The following PCDH15 variants were observed in gnomAD, a reference collection of about 807,000 sequenced individuals.
The protein encoded by PCDH15 is protocadherin-15.
A neutral mutation model predicts 178.5 loss-of-function variants in PCDH15; 129 were observed. That is an observed-to-expected ratio of 0.72 (90% CI 0.63 to 0.84). PCDH15 has a LOEUF of 0.84. Among genes scored for constraint, PCDH15 ranks in the 40% least tolerant of loss-of-function variants. PCDH15 has a pLI of 0.00. For synonymous variants in PCDH15, 800 were observed against 732.0 expected, an observed-to-expected ratio of 1.09 and a Z score of -1.50; for missense variants, 2,230 against 2,099.9, an observed-to-expected ratio of 1.06 and a Z score of -1.21.
At chr10:55,408,654 A>G (rs1838262922) in intron 2 of PCDH15, among the ~76,000 whole-genome samples, 1 of 152,146 alleles carries the variant, frequency 6.6e-6, no homozygotes, top group South Asian at 2.1e-4. Flanking sequence ...ATGGTATACA[A>G]TATGTACATA....
At chr10:53,996,279 T>G (rs536394118) in intron 20 of PCDH15, among the ~76,000 whole-genome samples, 1 of 152,276 alleles carries the variant, frequency 6.6e-6, no homozygotes, top group South Asian at 2.1e-4. Context: ...AAAAGGAGAT[T>G]TTCTCTGCAG....
Position 54,022,882 on chromosome 10 carries a change from T to TC in PCDH15, c.2526+9dup. 1.2e-6 allele frequency: 2 copies of TC among 1,613,668 alleles called. No individual in the cohort carries two copies. Among genetic ancestry groups the TC allele is most frequent in the Non-Finnish European group, 8.5e-7 (1 of 1,179,626 alleles). On this transcript the variant is annotated intron_variant, in intron 19 of 37. Coordinates refer to ENST00000644397, the MANE Select transcript of PCDH15 (RefSeq NM_001384140.1). ...TAGGATTCATGTAATAAATGCTTTT[T>TC]CCCACACACCTCTATTTGAAGGATG...
chr10:55,497,462 C>T lies in PCDH15; in HGVS notation c.-156+130163G>A, dbSNP rs535018123. On this transcript the variant is annotated intron_variant, in intron 2 of 5. Coordinates refer to the PCDH15 transcript ENST00000613346. Reference sequence around the variant, plus strand: ...GGTACTTTTTAAAAACCTTTGATTTCGAGTTGGCTTGGCTTACTTTTCTGT... The same window carrying T: ...GGTACTTTTTAAAAACCTTTGATTTTGAGTTGGCTTGGCTTACTTTTCTGT... Among the ~76,000 whole-genome samples the T allele has an allele frequency of 9.2e-4, 140 of 151,768 alleles. 2 individuals carry two copies. The highest frequency in any genetic ancestry group is 2.4e-3 in the Admixed American group (36 of 15,208).
chr10:54,259,387 G>A (rs2057151831), intron 8 of PCDH15, among the ~76,000 whole-genome samples: 1 of 152,146 alleles, frequency 6.6e-6, no homozygotes, highest in South Asian at 2.1e-4. Flanking sequence ...TGTGGTGGCA[G>A]TATAAAACAG....
chr10:55,352,189 T>C (rs1372280487), intron 2 of PCDH15, among the ~76,000 whole-genome samples: 1 of 152,218 alleles, frequency 6.6e-6, no homozygotes, highest in Non-Finnish European at 1.5e-5. Context: ...AATGTGGTTA[T>C]ATTATACATC....
chr10:53,942,645 C>T (rs568693103), intron 23 of PCDH15, among the ~76,000 whole-genome samples: 2 of 152,288 alleles, frequency 1.3e-5, no homozygotes, highest in South Asian at 2.1e-4. Flanking sequence ...AGCAAGGAAT[C>T]GAGGCCCTTA....
At chr10:54,753,594 T>C (rs931467868) in intron 1 of PCDH15, among the ~76,000 whole-genome samples, 1 of 152,230 alleles carries the variant, frequency 6.6e-6, no homozygotes, top group African/African-American at 2.4e-5. Flanking sequence ...CTTCCATTTT[T>C]TAACCACAGT....
At position 54,889,558 on chromosome 10, in the gene PCDH15, T is replaced by G. The variant is rs72798535; in HGVS notation, c.-29+7892A>C. 1.9e-3 allele frequency among the ~76,000 whole-genome samples: 278 copies of G among 149,376 alleles called. 1 individual carries two copies. The highest frequency in any genetic ancestry group is 3.5e-3 in the Non-Finnish European group (237 of 66,982). On this transcript the variant is annotated intron_variant, in intron 3 of 5. Transcript: ENST00000458638. The stretch of plus-strand genomic sequence containing the variant: ...AAATTAGGATAGTACAGAGGCTCTT[T>G]AATTCTCTCTGCATATGAAAAAGAA...
chr10:54,947,094 T>A (rs2131870063), intron 2 of PCDH15, among the ~76,000 whole-genome samples: 1 of 151,972 alleles, frequency 6.6e-6, no homozygotes, highest in African/African-American at 2.4e-5. Context: ...GTTAATTAAT[T>A]GCAAAATTGA....
chr10:55,310,763 C>G (rs1021215209), intron 1 of PCDH15, among the ~76,000 whole-genome samples: 2 of 152,138 alleles, frequency 1.3e-5, no homozygotes, highest in Admixed American at 1.3e-4. Flanking sequence ...CCACAGCAAA[C>G]TAACACAGGT....
intron 2 of PCDH15, among the ~76,000 whole-genome samples, chr10:55,126,228 C>T (rs916320980): frequency 3.9e-5 from 6 of 152,068 alleles, no homozygotes; most frequent in African/African-American, 7.2e-5. Context: ...GTTATCCCAC[C>T]CTTTCCTAAG....
intron 18 of PCDH15, among the ~76,000 whole-genome samples, chr10:54,044,776 T>C (rs1445607006): frequency 6.6e-6 from 1 of 152,134 alleles, no homozygotes; most frequent in Non-Finnish European, 1.5e-5. Flanking sequence ...TCTAAAAACA[T>C]CAAAATCAGG....
intron 32 of PCDH15, among the ~76,000 whole-genome samples, chr10:53,827,095 G>T (rs564078499): frequency 9.9e-5 from 15 of 151,624 alleles, no homozygotes; most frequent in African/African-American, 3.6e-4. Context: ...ATGTAAAAAT[G>T]CATGACCCTG....
intron 8 of PCDH15, among the ~76,000 whole-genome samples, chr10:54,262,954 C>CTGGGCTGAAAATCACGGGCTGCA (rs1294985005): frequency 0.033 from 5,025 of 151,976 alleles, 209 homozygotes; most frequent in African/African-American, 0.096. Flanking sequence ...CCATGGTTGC[C>CTGGGCTGAAAATCACGGGCTGCA]AGCTGGGCTG....
At chr10:54,284,666 C>T (rs1317125339) in intron 8 of PCDH15, among the ~76,000 whole-genome samples, 3 of 152,136 alleles carry the variant, frequency 2.0e-5, no homozygotes, top group East Asian at 1.9e-4. Flanking sequence ...GCTTTTCTGT[C>T]CTTACAGAGC....
chr10:54,691,214 G>A lies in PCDH15; in HGVS notation c.-28-26924C>T, dbSNP rs538583602. 2.0e-5 allele frequency among the ~76,000 whole-genome samples: 3 copies of A among 152,100 alleles called. No homozygotes were observed. The South Asian group carries it at 6.2e-4, about 32-fold the overall frequency. On this transcript the variant is annotated intron_variant, in intron 1 of 37. Transcript: ENST00000644397. Reference sequence around the variant, plus strand: ...CTCTGTATTTCCTACTTTTATGTTTGTTTATATTTAGGAGCAGCCTACACA... The same window carrying A: ...CTCTGTATTTCCTACTTTTATGTTTATTTATATTTAGGAGCAGCCTACACA...
At chr10:55,101,314 G>A (rs1842570695) in intron 2 of PCDH15, among the ~76,000 whole-genome samples, 1 of 151,794 alleles carries the variant, frequency 6.6e-6, no homozygotes, top group Non-Finnish European at 1.5e-5. Flanking sequence ...CTCAGGAGGT[G>A]GAGTTTACAG....
intron 28 of PCDH15, among the ~76,000 whole-genome samples, chr10:53,856,038 A>G (rs184908151): frequency 2.0e-5 from 3 of 151,252 alleles, no homozygotes; most frequent in East Asian, 2.0e-4. Flanking sequence ...GAAAAAACAA[A>G]CATCATATGT....
intron 8 of PCDH15, among the ~76,000 whole-genome samples, chr10:54,304,383 T>C (rs1280412810): frequency 6.6e-6 from 1 of 152,084 alleles, no homozygotes; most frequent in African/African-American, 2.4e-5. Context: ...TGTCAGGAAA[T>C]TTGGGAAGTT....
Sources: allele counts gnomAD v4.1 joint callset (sites outside exome capture counted in the v4.1 genomes callset), GRCh38; gene constraint gnomAD v4.1.1; transcripts MANE v1.5; gene names NCBI Gene and HGNC (gene_info 2026-07-23, HGNC 2026-07-21).